RNASET2: variants seen among roughly 807,000 people sequenced by gnomAD.
RNASET2 encodes ribonuclease T2.
Under a neutral mutation model 33.9 loss-of-function variants are expected in RNASET2, and 28 were observed. The observed-to-expected ratio is 0.83, with a 90% CI of 0.61 to 1.13. RNASET2 has a LOEUF of 1.13. Among genes scored for constraint, RNASET2 ranks in the 50% most tolerant of loss-of-function variants. The pLI is 0.00. For synonymous variants in RNASET2, 123 were observed against 121.0 expected, an observed-to-expected ratio of 1.02 and a Z score of -0.11; for missense variants, 330 against 319.9, an observed-to-expected ratio of 1.03 and a Z score of -0.24.
At chr6:166,955,972 C>T (rs886650751) in intron 1 of RNASET2, 125 bp downstream of exon 1, 21 of 1,141,804 alleles carry the variant, frequency 1.8e-5, no homozygotes, top group Non-Finnish European at 2.5e-5. Flanking sequence ...TCGGCTCCCC[C>T]CGCCCTCCCC....
Position 166,926,836 on chromosome 6 carries a change from C to T in RNASET2, c.*2752G>A, listed in dbSNP as rs775438128. 6.6e-6 allele frequency among the ~76,000 whole-genome samples: 1 copy of T among 152,192 alleles called. No individual in the cohort carries two copies. The highest frequency in any genetic ancestry group is 1.5e-5 in the Non-Finnish European group (1 of 68,036). The stretch of plus-strand genomic sequence containing the variant: ...CCACTCATCCCTGTGGCCTAGTCCA[C>T]GGGTCCTCTTTTCCATGGTGCCGCA... On this transcript the variant is annotated 3_prime_UTR_variant, in exon 9 of 9. Coordinates refer to ENST00000508775, the MANE Select transcript of RNASET2 (RefSeq NM_003730.6).
Position 166,929,489 on chromosome 6 carries a change from G to T in RNASET2, c.*99C>A. 1 of 1,280,222 alleles carries T rather than the reference G, an allele frequency of 7.8e-7. No homozygotes were observed. The highest frequency in any genetic ancestry group is 1.1e-6 in the Non-Finnish European group (1 of 880,474). 79.3% of individuals were successfully genotyped at this position (1,280,222 alleles called of 1,614,324 possible). ...AATTCACAGGCATGGAGGGGAAACA[G>T]CAAAATAAACAGACTTCACTTTGGA... On this transcript the variant is annotated 3_prime_UTR_variant, in exon 9 of 9. Coordinates refer to ENST00000508775, the MANE Select transcript of RNASET2 (RefSeq NM_003730.6).
At chr6:166,953,720 C>G (rs1356550980) in intron 1 of RNASET2, 1 of 152,166 alleles carries the variant, frequency 6.6e-6, no homozygotes, top group Non-Finnish European at 1.5e-5. Context: ...AACCCTGTCT[C>G]TACAAAAATT....
rs964887075 is a variant in RNASET2 at position 166,925,342 on chromosome 6, A to G, written c.*4246T>C. On this transcript the variant is annotated 3_prime_UTR_variant, in exon 9 of 9. Transcript: ENST00000508775. ...CCCTCACTCAAGCCACCCAGCTCTC[A>G]CTTCCTCCATCCAGGCATCATTCCT... Among the ~76,000 whole-genome samples, 3 of 150,170 alleles carry G rather than the reference A, an allele frequency of 2.0e-5. No homozygotes were observed.
intron 8 of RNASET2, among the ~76,000 whole-genome samples, 184 bp downstream of exon 8, chr6:166,930,860 C>T (rs1778417842): frequency 6.6e-6 from 1 of 151,674 alleles, no homozygotes; most frequent in Non-Finnish European, 1.5e-5. Flanking sequence ...CACATGCACA[C>T]ACAGCACATG....
intron 2 of RNASET2, among the ~76,000 whole-genome samples, chr6:166,951,522 G>T (rs1778984092): frequency 6.6e-6 from 1 of 151,974 alleles, no homozygotes; most frequent in South Asian, 2.1e-4. Context: ...GCCTTCCCAG[G>T]CACTGGTGTT....
intron 6 of RNASET2, among the ~76,000 whole-genome samples, chr6:166,935,923 T>C (rs779407053): frequency 6.6e-6 from 1 of 152,230 alleles, no homozygotes; most frequent in African/African-American, 2.4e-5. Flanking sequence ...TCCACCCGCC[T>C]TGGCCTCCCA....
rs1386122862 is a variant in RNASET2 at position 166,938,654 on chromosome 6, G to A, written c.446+241C>T. ...TGGCCGACTCTGATGATGAGATGGT[G>A]CCCAGATGGGCATCCCAATACTCTG... On this transcript the variant is annotated intron_variant, in intron 6 of 8. Transcript: ENST00000508775. 5.4e-6 allele frequency: 4 copies of A among 741,820 alleles called. No homozygotes were observed. The South Asian group carries it at 5.4e-5, about 10-fold the overall frequency. 46.0% of individuals were successfully genotyped at this position (741,820 alleles called of 1,614,324 possible).
At chr6:166,952,616 C>T in intron 1 of RNASET2, 68 bp from the exon 2 acceptor site, 1 of 1,193,938 alleles carries the variant, frequency 8.4e-7, no homozygotes, top group East Asian at 2.4e-5. Flanking sequence ...TTCATCCACC[C>T]ATCCATCCCT....
At chr6:166,943,202 T>C in intron 4 of RNASET2, 113 bp from the exon 5 acceptor site, 1 of 733,250 alleles carries the variant, frequency 1.4e-6, no homozygotes. Flanking sequence ...TAATTAACAA[T>C]ACTTTGGTGA....
At chr6:166,948,469 T>C (rs1182054336) in intron 3 of RNASET2, 101 bp downstream of exon 3, 9 of 810,104 alleles carry the variant, frequency 1.1e-5, no homozygotes, top group Non-Finnish European at 1.8e-5. Flanking sequence ...GATAAACTCC[T>C]AAAAATAAAA....
chr6:166,931,699 CCTCGTGCCTTCTGA>C (rs1438842709), intron 7 of RNASET2: 3 of 166,218 alleles, frequency 1.8e-5, no homozygotes, highest in African/African-American at 7.2e-5. Flanking sequence ...ACTGCTTCTG[CCTCGTGCCTTCTGA>C]CTCAAACCTC....
rs563685764 is a variant in RNASET2, at chr6:166,945,936, G to A, written c.261+746C>T. Among the ~76,000 whole-genome samples, 5 of 151,814 alleles carry A rather than the reference G, an allele frequency of 3.3e-5. No individual in the cohort carries two copies. In the South Asian group the frequency reaches 6.2e-4, roughly 19 times the overall value. ...TTCCTAGGAAAGACCCACAACTCCC[G>A]CAAGCCTTCAATGCTACCACACGTT... On this transcript the variant is annotated intron_variant, in intron 4 of 8. Transcript: ENST00000508775.
intron 5 of RNASET2, among the ~76,000 whole-genome samples, chr6:166,939,930 G>C (rs1231623000): frequency 1.3e-5 from 2 of 152,154 alleles, no homozygotes; most frequent in African/African-American, 4.8e-5. Context: ...CACGTTCTTC[G>C]TTTGGTTCTC....
chr6:166,951,363 G>A (rs1337908641), intron 2 of RNASET2, among the ~76,000 whole-genome samples: 2 of 152,268 alleles, frequency 1.3e-5, no homozygotes, highest in Non-Finnish European at 2.9e-5. Context: ...CCAGATGGCT[G>A]TGGGCAGGCC....
At chr6:166,944,842 A>G (rs1157916487) in intron 4 of RNASET2, among the ~76,000 whole-genome samples, 1 of 151,886 alleles carries the variant, frequency 6.6e-6, no homozygotes, top group Non-Finnish European at 1.5e-5. Context: ...ACGGGGCTCC[A>G]CCAGCACTGT....
intron 4 of RNASET2, chr6:166,943,720 T>C (rs1307062849): frequency 2.1e-6 from 1 of 469,494 alleles, no homozygotes; most frequent in Non-Finnish European, 4.4e-6. Flanking sequence ...TCATTAATTG[T>C]AACAAATGTA....
intron 2 of RNASET2, among the ~76,000 whole-genome samples, chr6:166,951,852 C>T (rs770087180): frequency 3.3e-5 from 5 of 152,162 alleles, no homozygotes; most frequent in African/African-American, 9.7e-5. Flanking sequence ...GGTGGCTTGC[C>T]GCCCACAGAG....
intron 1 of RNASET2, chr6:166,955,639 GT>G (rs1779146415): frequency 2.0e-6 from 2 of 1,000,562 alleles, no homozygotes; most frequent in Non-Finnish European, 2.4e-6. Flanking sequence ...TGTGGGATGA[GT>G]TTCCAGTCCA....
Sources: allele counts gnomAD v4.1 joint callset (sites outside exome capture counted in the v4.1 genomes callset), GRCh38; gene constraint gnomAD v4.1.1; transcripts MANE v1.5; gene names NCBI Gene and HGNC (gene_info 2026-07-23, HGNC 2026-07-21).